TAOK3: variants seen among roughly 807,000 people sequenced by gnomAD.
The protein encoded by TAOK3 is serine/threonine-protein kinase TAO3.
In TAOK3, 40 loss-of-function variants were observed where a neutral mutation model predicts 120.4. The ratio of observed to expected loss-of-function variants is 0.33; its 90% CI spans 0.26 to 0.43. The LOEUF (loss-of-function observed/expected upper bound fraction) is 0.43. Ranked by LOEUF, TAOK3 falls within the 20% of genes least tolerant of loss-of-function variation. TAOK3 has a pLI of 1.00. For synonymous variants in TAOK3, 355 were observed against 387.5 expected (o/e 0.92, Z 0.99); for missense variants, 821 against 1,112.1 (o/e 0.74, Z 3.72).
chr12:118,318,005 A>G (rs1209690689), intron 1 of TAOK3, among the ~76,000 whole-genome samples: 1 of 152,138 alleles, frequency 6.6e-6, no homozygotes, highest in East Asian at 1.9e-4. Flanking sequence ...GGGTGCCAAG[A>G]CAACAGGGAA....
intron 1 of TAOK3, among the ~76,000 whole-genome samples, chr12:118,280,209 C>T (rs1461893898): frequency 8.5e-5 from 13 of 152,094 alleles, no homozygotes; most frequent in Non-Finnish European, 1.6e-4. Flanking sequence ...TACAGGCGTG[C>T]GCCACTACGC....
intron 1 of TAOK3, chr12:118,283,473 T>G (rs1226515033): frequency 6.6e-6 from 1 of 152,628 alleles, no homozygotes; most frequent in African/African-American, 2.4e-5. Flanking sequence ...GGCTCATGCC[T>G]GTAATCCCAA....
chr12:118,258,615 G>A (rs548390510), intron 2 of TAOK3, among the ~76,000 whole-genome samples: 2 of 152,142 alleles, frequency 1.3e-5, no homozygotes, highest in Admixed American at 1.3e-4. Context: ...GGGAGGCTGA[G>A]GCAGGAGAAT....
intron 1 of TAOK3, among the ~76,000 whole-genome samples, chr12:118,346,866 A>C (rs959682278): frequency 1.3e-5 from 2 of 152,254 alleles, no homozygotes; most frequent in South Asian, 2.1e-4. Context: ...GGTACTACTA[A>C]TAAGCAATAA....
chr12:118,275,946 T>C (rs1229414462), intron 1 of TAOK3, among the ~76,000 whole-genome samples: 1 of 151,982 alleles, frequency 6.6e-6, no homozygotes. Flanking sequence ...CAAGATTGTT[T>C]TGTGTACTCC....
intron 1 of TAOK3, among the ~76,000 whole-genome samples, chr12:118,343,103 G>A (rs535976436): frequency 5.9e-5 from 9 of 151,994 alleles, no homozygotes; most frequent in Admixed American, 5.9e-4. Context: ...TCATTGTGGA[G>A]TAAATTTATT....
intron 2 of TAOK3, among the ~76,000 whole-genome samples, chr12:118,264,521 A>C (rs1023705135): frequency 3.9e-5 from 6 of 152,162 alleles, no homozygotes; most frequent in African/African-American, 1.4e-4. Context: ...TAATTTAAAG[A>C]GATAGAAATC....
chr12:118,352,981 A>C (rs1041855915), intron 1 of TAOK3, among the ~76,000 whole-genome samples: 3 of 152,176 alleles, frequency 2.0e-5, no homozygotes, highest in African/African-American at 7.2e-5. Context: ...AAGTGTTGGG[A>C]TTACAGGAGT....
At chr12:118,262,986 A>G (rs1359049514) in intron 2 of TAOK3, among the ~76,000 whole-genome samples, 1 of 152,224 alleles carries the variant, frequency 6.6e-6, no homozygotes, top group Non-Finnish European at 1.5e-5. Context: ...AAACTCTGAG[A>G]AGTTTAATCT....
rs1322692178 is a variant in TAOK3, at chr12:118,214,012, C to G, written c.737+5G>C. On this transcript the variant is annotated splice_donor_5th_base_variant and intron_variant, in intron 10 of 20. Coordinates refer to ENST00000392533, the MANE Select transcript of TAOK3 (RefSeq NM_016281.4). ...TAGAGATTTAAAATGATAGCAGAGT[C>G]TTACCATTCATTAGACTGTAACGTT... 1 of 1,604,906 alleles carries G rather than the reference C, an allele frequency of 6.2e-7. No individual in the cohort carries two copies.
chr12:118,295,287 C>G (rs1236287089), intron 1 of TAOK3: 1 of 152,282 alleles, frequency 6.6e-6, no homozygotes, highest in Non-Finnish European at 1.5e-5. Flanking sequence ...GATCCGTCTG[C>G]CTCAGCCTCC....
At position 118,161,492 on chromosome 12, in the gene TAOK3, G is replaced by A. The variant is rs2035215069; in HGVS notation, c.2139+296C>T. Among the ~76,000 whole-genome samples the A allele has an allele frequency of 6.6e-6, 1 of 152,186 alleles. No individual in the cohort carries two copies. Among genetic ancestry groups the A allele is most frequent in the Admixed American group, 6.5e-5 (1 of 15,286 alleles). On this transcript the variant is annotated intron_variant, in intron 18 of 20. Coordinates refer to ENST00000392533, the MANE Select transcript of TAOK3 (RefSeq NM_016281.4). This position sits in a 1 kb window ranked among gnomAD's most constrained non-coding sequence, Gnocchi z 4.5. Reference sequence around the variant, plus strand: ...TTTCCTGGGATTAAAACCATAAACTGCTATTAGTCCAGTTTTGAAGATGGC... The same window carrying A: ...TTTCCTGGGATTAAAACCATAAACTACTATTAGTCCAGTTTTGAAGATGGC...
chr12:118,168,054 T>A (rs995571200), intron 17 of TAOK3, among the ~76,000 whole-genome samples: 2 of 151,632 alleles, frequency 1.3e-5, no homozygotes, highest in African/African-American at 4.9e-5. Context: ...AGTAATCTCA[T>A]TTTTGTAAAG....
At chr12:118,326,246 C>A (rs933784624) in intron 1 of TAOK3, among the ~76,000 whole-genome samples, 5 of 152,090 alleles carry the variant, frequency 3.3e-5, no homozygotes, top group African/African-American at 1.2e-4. Flanking sequence ...TCCAGTTTTG[C>A]CATTTATTGA....
chr12:118,339,275 CT>C (rs72009582), intron 1 of TAOK3, among the ~76,000 whole-genome samples: 954 of 86,830 alleles, frequency 0.011, 4 homozygotes, highest in East Asian at 0.04. Flanking sequence ...CTTCATCATA[CT>C]TTTTTTTTTT....
At chr12:118,346,724 T>C (rs16948258) in intron 1 of TAOK3, among the ~76,000 whole-genome samples, 2 of 152,188 alleles carry the variant, frequency 1.3e-5, no homozygotes, top group Non-Finnish European at 2.9e-5. Context: ...GGCAAAGATA[T>C]GTTCAATGCA....
intron 8 of TAOK3, among the ~76,000 whole-genome samples, chr12:118,234,513 G>C (rs2039939589): frequency 1.3e-5 from 2 of 151,966 alleles, no homozygotes; most frequent in African/African-American, 4.8e-5. Context: ...CAAAGTGCTG[G>C]GATTACTGGC....
In TAOK3 at chr12:118,216,789, C is replaced by T. The variant is rs987407429; in HGVS notation, c.644-2679G>A. Among the ~76,000 whole-genome samples, 5 of 152,040 alleles carry T rather than the reference C, an allele frequency of 3.3e-5. No individual in the cohort carries two copies. The South Asian group carries it at 1.0e-3, about 32-fold the overall frequency. ...TAAAAATACAAAAAAATTAGCCAGGCGTGGTGGCGGGCACCTGTAGTTCCA... is the reference window on the plus strand; with the variant it reads ...TAAAAATACAAAAAAATTAGCCAGGTGTGGTGGCGGGCACCTGTAGTTCCA... On this transcript the variant is annotated intron_variant, in intron 9 of 20. Transcript: ENST00000392533.
chr12:118,214,543 A>G (rs2038787677), intron 9 of TAOK3, among the ~76,000 whole-genome samples: 1 of 151,916 alleles, frequency 6.6e-6, no homozygotes, highest in South Asian at 2.1e-4. Context: ...GCAAAGAAAC[A>G]TAGAATAAGG....
Sources: allele counts gnomAD v4.1 joint callset (sites outside exome capture counted in the v4.1 genomes callset), GRCh38; gene constraint gnomAD v4.1.1; non-coding constraint Gnocchi (gnomAD v3.1); transcripts MANE v1.5; gene names NCBI Gene and HGNC (gene_info 2026-07-23, HGNC 2026-07-21).